Variants in FHIT observed in about 807,000 individuals in gnomAD.
FHIT encodes the protein fragile histidine triad diadenosine triphosphatase.
Under a neutral mutation model 17.9 loss-of-function variants are expected in FHIT, and 19 were observed. The observed-to-expected ratio is 1.06, with a 90% CI of 0.74 to 1.56. FHIT has a LOEUF of 1.56. Ranked by LOEUF, FHIT falls within the 40% of genes most tolerant of loss-of-function variation. The pLI is 0.00. For synonymous variants in FHIT, 81 were observed against 69.7 expected, an observed-to-expected ratio of 1.16 and a Z score of -0.81; for missense variants, 248 against 189.2, an observed-to-expected ratio of 1.31 and a Z score of -1.82.
At chr3:60,365,694 A>G (rs992917177) in intron 5 of FHIT, among the ~76,000 whole-genome samples, 5 of 152,186 alleles carry the variant, frequency 3.3e-5, no homozygotes, top group African/African-American at 1.2e-4. Context: ...AAAATTTTCA[A>G]TGATTTAACA....
intron 5 of FHIT, among the ~76,000 whole-genome samples, chr3:60,520,664 T>C (rs989729013): frequency 6.6e-6 from 1 of 152,056 alleles, no homozygotes. Flanking sequence ...AAAAATCCAT[T>C]AAAATTAGTT....
chr3:60,711,860 T>C (rs2041542865), intron 4 of FHIT, among the ~76,000 whole-genome samples: 2 of 152,264 alleles, frequency 1.3e-5, no homozygotes, highest in South Asian at 4.2e-4. Context: ...CAGGATATTA[T>C]CCAGGAGAAC....
chr3:60,904,480 C>CAAAAAAAAAAAAAAAA (rs36117889), intron 3 of FHIT, among the ~76,000 whole-genome samples: 1 of 136,420 alleles, frequency 7.3e-6, no homozygotes. Flanking sequence ...AATCCAAATG[C>CAAAAAAAAAAAAAAAA]AAAAAAAAAA....
intron 5 of FHIT, among the ~76,000 whole-genome samples, chr3:60,390,950 C>T (rs568369708): frequency 5.3e-5 from 8 of 152,000 alleles, no homozygotes; most frequent in African/African-American, 9.7e-5. Flanking sequence ...GAGGCTGAAT[C>T]GGGAGGATCA....
At chr3:60,810,471 A>G (rs1310701046) in intron 4 of FHIT, among the ~76,000 whole-genome samples, 1 of 152,212 alleles carries the variant, frequency 6.6e-6, no homozygotes, top group African/African-American at 2.4e-5. Context: ...GCATGATTTA[A>G]TGAGCATATA....
At chr3:60,655,109 C>T (rs944752130) in intron 4 of FHIT, among the ~76,000 whole-genome samples, 1 of 152,074 alleles carries the variant, frequency 6.6e-6, no homozygotes, top group Non-Finnish European at 1.5e-5. Context: ...AAGGCAAATA[C>T]TTCTTGTCTT....
Position 60,014,077 on chromosome 3 carries a change from T to G in FHIT, c.179A>C (p.Gln60Pro), listed in dbSNP as rs1457844248. 3.7e-6 allele frequency: 6 copies of G among 1,614,046 alleles called. No individual in the cohort carries two copies. Among genetic ancestry groups the G allele is most frequent in the Admixed American group, 3.3e-5 (2 of 60,020 alleles). The change falls in exon 6 of 10, where the codon CAG becomes CCG. Residue 60 changes from glutamine (Q) to proline (P), a missense_variant. By Grantham distance (76) the Gln-to-Pro change is moderately conservative. Transcript: ENST00000492590. The stretch of plus-strand genomic sequence containing the variant: ...CACTGTCCCGACTCTCTGGGTCGTC[T>G]GAAACAAATCGGCCACTTCATCAGG... Reference protein sequence around the residue: ...LRPDEVADLFQTTQRVGTVVE... With the variant: ...LRPDEVADLFPTTQRVGTVVE...
chr3:59,952,200 G>A (rs902286740), intron 7 of FHIT, among the ~76,000 whole-genome samples: 6 of 151,956 alleles, frequency 3.9e-5, no homozygotes, highest in Admixed American at 6.6e-5. Context: ...TTTTTTCATC[G>A]TATAAATGAT....
intron 3 of FHIT, among the ~76,000 whole-genome samples, chr3:60,845,485 T>G (rs1158982312): frequency 6.6e-6 from 1 of 152,104 alleles, no homozygotes; most frequent in Non-Finnish European, 1.5e-5. Context: ...AACAGGGAAT[T>G]TTAAGGACAG....
chr3:60,822,565 C>T (rs1353955231), intron 3 of FHIT, among the ~76,000 whole-genome samples: 1 of 152,140 alleles, frequency 6.6e-6, no homozygotes, highest in Non-Finnish European at 1.5e-5. Context: ...GAGTTTGAAT[C>T]CTAGTAATGT....
intron 3 of FHIT, chr3:60,856,545 A>C (rs1212576826): frequency 5.9e-5 from 9 of 152,076 alleles, no homozygotes; most frequent in African/African-American, 1.7e-4. Context: ...AGTGCTCTAC[A>C]CACTTGGGGA....
chr3:59,829,481 T>C (rs1460005585), intron 8 of FHIT, among the ~76,000 whole-genome samples: 1 of 152,214 alleles, frequency 6.6e-6, no homozygotes, highest in Non-Finnish European at 1.5e-5. Context: ...CAGAAGAATC[T>C]ATGCCTCCTT....
chr3:59,968,795 G>T (rs1044166078), intron 7 of FHIT, among the ~76,000 whole-genome samples: 1 of 152,176 alleles, frequency 6.6e-6, no homozygotes, highest in Admixed American at 6.6e-5. Context: ...GAACAAAAGC[G>T]CTTGCTGTCA....
chr3:60,109,730 T>G (rs1704589500), intron 5 of FHIT, among the ~76,000 whole-genome samples: 1 of 152,176 alleles, frequency 6.6e-6, no homozygotes, highest in Non-Finnish European at 1.5e-5. Context: ...TTGAGGCCCC[T>G]GGAAGACATG....
chr3:59,860,331 AAAG>A (rs908492495), intron 8 of FHIT, among the ~76,000 whole-genome samples: 44 of 152,304 alleles, frequency 2.9e-4, no homozygotes, highest in African/African-American at 9.4e-4. Flanking sequence ...GATTCGGTAT[AAAG>A]AAGGAGAGAA....
intron 8 of FHIT, among the ~76,000 whole-genome samples, chr3:59,823,918 G>T (rs1700886005): frequency 6.6e-6 from 1 of 152,154 alleles, no homozygotes; most frequent in Non-Finnish European, 1.5e-5. Context: ...GTCGCTGTTT[G>T]CTGATGATAT....
At chr3:60,511,427 C>T (rs189169298) in intron 5 of FHIT, among the ~76,000 whole-genome samples, 1 of 152,176 alleles carries the variant, frequency 6.6e-6, no homozygotes, top group East Asian at 1.9e-4. Flanking sequence ...TCTAAGGTAT[C>T]TCTAAAGACA....
chr3:60,062,351 T>C (rs1266235977), intron 5 of FHIT, among the ~76,000 whole-genome samples: 1 of 152,070 alleles, frequency 6.6e-6, no homozygotes, highest in Non-Finnish European at 1.5e-5. Flanking sequence ...ATAATGACAA[T>C]GAGGGTGGTT....
chr3:60,675,831 A>C (rs1348867742), intron 4 of FHIT, among the ~76,000 whole-genome samples: 2 of 152,254 alleles, frequency 1.3e-5, no homozygotes, highest in East Asian at 3.8e-4. Context: ...AATTCTCAGA[A>C]GACTACAATA....
Sources: gnomAD v4.1 joint callset for allele counts (sites outside exome capture counted in the v4.1 genomes callset) on GRCh38, gnomAD v4.1.1 for gene constraint, MANE v1.5 for transcripts, NCBI Gene and HGNC (gene_info 2026-07-23, HGNC 2026-07-21) for gene names.